Variants in WDFY1 observed in about 807,000 individuals in gnomAD.
WDFY1 encodes the protein WD repeat and FYVE domain-containing protein 1.
Under a neutral mutation model 56.4 loss-of-function variants are expected in WDFY1, and 32 were observed. That is an observed-to-expected ratio of 0.57 (90% CI 0.43 to 0.76). The LOEUF (loss-of-function observed/expected upper bound fraction) is 0.76. Among genes scored for constraint, WDFY1 ranks in the 30% least tolerant of loss-of-function variants. WDFY1 has a pLI of 0.00. For synonymous variants in WDFY1, 192 were observed against 197.3 expected (o/e 0.97, Z 0.23); for missense variants, 480 against 545.7 (o/e 0.88, Z 1.20).
Position 223,906,229 on chromosome 2 carries a change from C to A in WDFY1, c.280-228G>T, listed in dbSNP as rs114727845. Among the ~76,000 whole-genome samples the A allele has an allele frequency of 3.4e-3, 512 of 152,314 alleles. 4 individuals carry two copies. Among genetic ancestry groups the A allele is most frequent in the African/African-American group, 0.012 (497 of 41,568 alleles). On this transcript the variant is annotated intron_variant, in intron 3 of 11. Coordinates refer to ENST00000233055, the MANE Select transcript of WDFY1 (RefSeq NM_020830.5). The stretch of plus-strand genomic sequence containing the variant: ...ATTGAATAAAGTAAGTGCTGCTGAT[C>A]AGCATGGGATTTGTGTCCACTTCTT...
chr2:223,894,415 T>C, intron 7 of WDFY1, 76 bp from the exon 8 acceptor site: 1 of 1,449,668 alleles, frequency 6.9e-7, no homozygotes, highest in East Asian at 2.3e-5. Flanking sequence ...AGGCTCAAAT[T>C]GCTCTCCTCA....
At position 223,884,859 on chromosome 2, in the gene WDFY1, C is replaced by CTTCTTT. The variant is rs60759568; in HGVS notation, c.832-111_832-110insAAAGAA. 530 of 688,910 alleles carry CTTCTTT rather than the reference C, an allele frequency of 7.7e-4. 15 individuals are homozygous for CTTCTTT. The highest frequency in any genetic ancestry group is 9.0e-4 in the Non-Finnish European group (400 of 445,638). The allele number at this position is 688,910 out of a possible 1,614,324, so 42.7% of individuals were successfully genotyped here. A position where few individuals can be genotyped will look rare whatever the true frequency, so the allele number is the denominator to read the frequency against. On this transcript the variant is annotated intron_variant, in intron 8 of 11. Coordinates refer to ENST00000233055, the MANE Select transcript of WDFY1 (RefSeq NM_020830.5). ...TGCCAAGGTTAGTATTTCTTTTCTTCTTTTTTTTTTTTTTTTGGTCTCCCA... is the reference window on the plus strand; with the variant it reads ...TGCCAAGGTTAGTATTTCTTTTCTTCTTCTTTTTTTTTTTTTTTTTTTGGTCTCCCA...
chr2:223,937,831 C>T (rs1480818490), intron 1 of WDFY1, among the ~76,000 whole-genome samples: 1 of 152,182 alleles, frequency 6.6e-6, no homozygotes, highest in East Asian at 1.9e-4. Flanking sequence ...AATGAAAATA[C>T]AGCAGTTAAC....
chr2:223,884,590 G>T lies in WDFY1; in HGVS notation c.933+58C>A, dbSNP rs1288830447. 8.6e-6 allele frequency: 13 copies of T among 1,513,132 alleles called. No homozygotes were observed. The Admixed American group carries it at 2.3e-4, about 26-fold the overall frequency. 93.7% of individuals were successfully genotyped at this position (1,513,132 alleles called of 1,614,324 possible). A position where few individuals can be genotyped will look rare whatever the true frequency, so the allele number is the denominator to read the frequency against. On this transcript the variant is annotated intron_variant, in intron 9 of 11. Transcript: ENST00000233055. Reference sequence around the variant, plus strand: ...GTGTTTCAAAAAAACCCCAGATTAAGTATGCAAATAGTGAAATACACAATC... The same window carrying T: ...GTGTTTCAAAAAAACCCCAGATTAATTATGCAAATAGTGAAATACACAATC...
chr2:223,943,738 C>G (rs1423714130), intron 1 of WDFY1, among the ~76,000 whole-genome samples: 1 of 152,186 alleles, frequency 6.6e-6, no homozygotes, highest in African/African-American at 2.4e-5. Flanking sequence ...AGTTTAAAGT[C>G]GAATCATAAA....
At chr2:223,886,500 G>A (rs879392198) in intron 8 of WDFY1, among the ~76,000 whole-genome samples, 12 of 152,052 alleles carry the variant, frequency 7.9e-5, no homozygotes, top group Admixed American at 3.9e-4. Context: ...CAAGGCAGGC[G>A]GATTACCTGA....
chr2:223,881,905 A>G (rs1285728429), intron 10 of WDFY1, 37 bp downstream of exon 10: 4 of 1,609,614 alleles, frequency 2.5e-6, no homozygotes, highest in Non-Finnish European at 3.4e-6. Context: ...GACAGATGTA[A>G]TAAGAGGCAA....
chr2:223,901,161 G>A (rs1194109122), intron 5 of WDFY1, 22 bp downstream of exon 5: 3 of 1,603,128 alleles, frequency 1.9e-6, no homozygotes, highest in Admixed American at 3.4e-5. Context: ...GGGAAGGAGA[G>A]GTCCGTGGCT....
At chr2:223,884,333 G>C (rs563432731) in intron 9 of WDFY1, among the ~76,000 whole-genome samples, 1 of 152,170 alleles carries the variant, frequency 6.6e-6, no homozygotes, top group East Asian at 1.9e-4. Context: ...TTCTTGGCTA[G>C]CATAAAACAC....
intron 1 of WDFY1, among the ~76,000 whole-genome samples, chr2:223,939,895 C>T (rs1389490069): frequency 3.3e-5 from 5 of 152,248 alleles, no homozygotes; most frequent in African/African-American, 1.2e-4. Context: ...CCCAGAACCA[C>T]TGGCCTAGAT....
chr2:223,899,355 T>A (rs901685367), intron 5 of WDFY1: 1 of 286,928 alleles, frequency 3.5e-6, no homozygotes, highest in African/African-American at 2.2e-5. Context: ...TCAAGCAAGA[T>A]CCCAGGAACT....
chr2:223,913,281 T>TTC (rs1693735727), intron 2 of WDFY1, among the ~76,000 whole-genome samples: 1 of 151,344 alleles, frequency 6.6e-6, no homozygotes, highest in South Asian at 2.1e-4. Flanking sequence ...GAATATAAAG[T>TTC]TCTCTCTCTC....
chr2:223,934,434 A>T (rs1268706360), intron 1 of WDFY1, among the ~76,000 whole-genome samples: 1 of 151,952 alleles, frequency 6.6e-6, no homozygotes. Flanking sequence ...TTTTTCCCTA[A>T]CAGATTTGTT....
intron 1 of WDFY1, among the ~76,000 whole-genome samples, chr2:223,923,782 A>C (rs1693930831): frequency 6.6e-6 from 1 of 152,124 alleles, no homozygotes; most frequent in African/African-American, 2.4e-5. Flanking sequence ...ATAAATAAAT[A>C]AACCGTCTAA....
intron 6 of WDFY1, among the ~76,000 whole-genome samples, chr2:223,897,381 TATATATATA>T (rs1693406477): frequency 1.8e-5 from 1 of 56,362 alleles, no homozygotes. Context: ...TATATATATA[TATATATATA>T]TTTTTTAAGA....
intron 1 of WDFY1, among the ~76,000 whole-genome samples, chr2:223,930,030 T>A (rs1694047969): frequency 6.6e-6 from 1 of 152,208 alleles, no homozygotes. Flanking sequence ...AGTAAATTAC[T>A]TTTTCCCCCC....
intron 2 of WDFY1, among the ~76,000 whole-genome samples, chr2:223,916,102 T>A (rs1182921125): frequency 6.6e-6 from 1 of 152,196 alleles, no homozygotes; most frequent in African/African-American, 2.4e-5. Context: ...GTTATCTTTA[T>A]ACCAGGGTTC....
chr2:223,899,780 AAG>A (rs1693472904), intron 5 of WDFY1, among the ~76,000 whole-genome samples: 1 of 152,124 alleles, frequency 6.6e-6, no homozygotes, highest in African/African-American at 2.4e-5. Context: ...AGAAAAGAAA[AAG>A]AAATTGCTAA....
intron 1 of WDFY1, 122 bp from the exon 2 acceptor site, chr2:223,918,132 C>T: frequency 1.3e-6 from 1 of 793,308 alleles, no homozygotes; most frequent in Middle Eastern, 2.9e-4. Flanking sequence ...ATAAAACTAA[C>T]TGGACAAACT....
Sources: allele counts gnomAD v4.1 joint callset (sites outside exome capture counted in the v4.1 genomes callset), GRCh38; gene constraint gnomAD v4.1.1; transcripts MANE v1.5; gene names NCBI Gene and HGNC (gene_info 2026-07-23, HGNC 2026-07-21).